The following FUT8 variants were observed in gnomAD, a reference collection of about 807,000 sequenced individuals.
The protein encoded by FUT8 is alpha-(1,6)-fucosyltransferase.
FUT8 carries 29 observed loss-of-function variants against 71.3 expected under a neutral mutation model. The ratio of observed to expected loss-of-function variants is 0.41; its 90% confidence interval spans 0.30 to 0.55. The LOEUF (loss-of-function observed/expected upper bound fraction) is 0.55. Among genes scored for constraint, FUT8 ranks in the 20% least tolerant of loss-of-function variants. The pLI, the probability that FUT8 is intolerant of heterozygous loss-of-function variation, is 0.34. For missense variants in FUT8, 544 were observed against 702.1 expected (o/e 0.77, Z 2.55); for synonymous variants, 254 against 239.3 (o/e 1.06, Z -0.57).
intron 10 of FUT8, among the ~76,000 whole-genome samples, chr14:65,735,474 G>A (rs1030141965): frequency 2.6e-5 from 4 of 152,052 alleles, no homozygotes; most frequent in Non-Finnish European, 4.4e-5. Flanking sequence ...AAGGAATAAG[G>A]CTCATACTTA....
At chr14:65,463,327 C>T (rs759597168) in intron 2 of FUT8, among the ~76,000 whole-genome samples, 7 of 152,098 alleles carry the variant, frequency 4.6e-5, no homozygotes, top group East Asian at 1.9e-4. Context: ...AGTGCACTGG[C>T]GCAGTCACGG....
intron 7 of FUT8, among the ~76,000 whole-genome samples, chr14:65,698,649 A>G (rs968855380): frequency 6.6e-6 from 1 of 152,222 alleles, no homozygotes. Context: ...GCATTTGCAA[A>G]TCTCAAAAAT....
chr14:65,584,238 G>C (rs886987391), intron 3 of FUT8, among the ~76,000 whole-genome samples: 1 of 150,012 alleles, frequency 6.7e-6, no homozygotes, highest in Admixed American at 6.7e-5. Context: ...GAGTGCAGTG[G>C]TGCGATCTTG....
chr14:65,693,183 C>A (rs1005329162), intron 7 of FUT8, among the ~76,000 whole-genome samples: 1 of 152,086 alleles, frequency 6.6e-6, no homozygotes, highest in Non-Finnish European at 1.5e-5. Context: ...TGTAGCGAGC[C>A]GAGATCACGC....
intron 7 of FUT8, among the ~76,000 whole-genome samples, chr14:65,677,151 T>TGTGCGTGCGCGCGCGC: frequency 9.0e-6 from 1 of 110,702 alleles, no homozygotes; most frequent in Non-Finnish European, 1.8e-5. Context: ...TGTGTGTGTG[T>TGTGCGTGCGCGCGCGC]GCGCGCGCGC....
rs117539343 is a variant in FUT8, at chr14:65,581,998, G to A, written c.203+20232G>A. Among the ~76,000 whole-genome samples the A allele has an allele frequency of 3.2e-3, 493 of 152,228 alleles. 3 individuals are homozygous for A. The East Asian group carries it at 0.035, about 11-fold the overall frequency. ...TACTTTGTCTGTTACATCTGGATGAGACCATTAGAATCTTGTTGCTATAAC... is the reference window on the plus strand; with the variant it reads ...TACTTTGTCTGTTACATCTGGATGAAACCATTAGAATCTTGTTGCTATAAC... On this transcript the variant is annotated intron_variant, in intron 3 of 10. Coordinates refer to ENST00000673929, the MANE Select transcript of FUT8 (RefSeq NM_001371533.1).
At chr14:65,610,826 T>C (rs1261208974) in intron 3 of FUT8, among the ~76,000 whole-genome samples, 1 of 151,972 alleles carries the variant, frequency 6.6e-6, no homozygotes, top group African/African-American at 2.4e-5. Flanking sequence ...GATTTATTTT[T>C]TAATGCTAAG....
intron 2 of FUT8, among the ~76,000 whole-genome samples, chr14:65,560,730 T>C (rs1769421620): frequency 6.6e-6 from 1 of 152,204 alleles, no homozygotes. Context: ...CTGATCCATT[T>C]GAACCTTTGC....
intron 7 of FUT8, among the ~76,000 whole-genome samples, chr14:65,677,419 A>G (rs1355774528): frequency 6.6e-6 from 1 of 152,094 alleles, no homozygotes; most frequent in Non-Finnish European, 1.5e-5. Flanking sequence ...CTTTTGATTC[A>G]ATTTAAGTTT....
At chr14:65,408,271 C>T (rs1465131255), upstream of FUT8, among the ~76,000 whole-genome samples, 1 of 152,096 alleles carries the variant, frequency 6.6e-6, no homozygotes, top group Non-Finnish European at 1.5e-5. Flanking sequence ...AGAGTAAACA[C>T]TGTAAGGACT....
intron 3 of FUT8, among the ~76,000 whole-genome samples, chr14:65,589,439 A>ATC (rs1393546425): frequency 1.1e-5 from 1 of 92,620 alleles, no homozygotes; most frequent in African/African-American, 4.0e-5. Context: ...CTTGCCTTAA[A>ATC]TCTTTTTTTT....
At chr14:65,424,539 CTTTTT>C (rs796843891) in intron 1 of FUT8, among the ~76,000 whole-genome samples, 6 of 125,444 alleles carry the variant, frequency 4.8e-5, no homozygotes, top group African/African-American at 1.2e-4. Flanking sequence ...CTTTTCTTTT[CTTTTT>C]TTTTTTTTTT....
At chr14:65,557,378 G>C (rs1176218247) in intron 2 of FUT8, among the ~76,000 whole-genome samples, 1 of 151,078 alleles carries the variant, frequency 6.6e-6, no homozygotes, top group Non-Finnish European at 1.5e-5. Context: ...TGTCGCCCAG[G>C]CTGGAGTGTG....
intron 2 of FUT8, among the ~76,000 whole-genome samples, chr14:65,526,059 C>A (rs551245938): frequency 6.6e-6 from 1 of 152,248 alleles, no homozygotes; most frequent in South Asian, 2.1e-4. Flanking sequence ...GTGGGGAGTT[C>A]TGTAGATGTC....
At chr14:65,547,200 T>G (rs536604315) in intron 2 of FUT8, among the ~76,000 whole-genome samples, 6 of 151,758 alleles carry the variant, frequency 4.0e-5, no homozygotes, top group African/African-American at 1.2e-4. Flanking sequence ...AACCCATTTT[T>G]TGTTTTCATT....
At chr14:65,725,640 T>G (rs1252737672) in intron 9 of FUT8, among the ~76,000 whole-genome samples, 2 of 152,200 alleles carry the variant, frequency 1.3e-5, no homozygotes, top group Non-Finnish European at 2.9e-5. Context: ...TAGCACTTGC[T>G]TACTTCTGTC....
chr14:65,632,952 G>A (rs1245257422), intron 6 of FUT8, among the ~76,000 whole-genome samples: 2 of 150,292 alleles, frequency 1.3e-5, no homozygotes, highest in African/African-American at 2.5e-5. Flanking sequence ...CAATTATCCC[G>A]GCACCATTTG....
chr14:65,616,227 T>G lies in FUT8; in HGVS notation c.336T>G (p.His112Gln). 3 of 1,606,592 alleles carry G rather than the reference T, an allele frequency of 1.9e-6. No homozygotes were observed. The highest frequency in any genetic ancestry group is 2.5e-6 in the Non-Finnish European group (3 of 1,176,896). Residue 112 changes from histidine to glutamine, a missense_variant, in exon 5 of 11, where the codon CAT (histidine) becomes CAG (glutamine). Coordinates refer to ENST00000673929, the MANE Select transcript of FUT8 (RefSeq NM_001371533.1). Reference protein sequence around the residue: ...KQTRNGLGKDHEILRRRIENG... With the variant: ...KQTRNGLGKDQEILRRRIENG... ...TGACTACAGGTCTGGGGAAGGATCA[T>G]GAAATCCTGAGGAGGAGGATTGAAA...
chr14:65,702,072 G>A (rs1594915649), intron 7 of FUT8, among the ~76,000 whole-genome samples: 2 of 152,138 alleles, frequency 1.3e-5, no homozygotes, highest in African/African-American at 2.4e-5. Flanking sequence ...GAGGCCGGGC[G>A]TGGTGGCTCA....
Sources: allele counts gnomAD v4.1 joint callset (sites outside exome capture counted in the v4.1 genomes callset), GRCh38; gene constraint gnomAD v4.1.1; transcripts MANE v1.5; gene names NCBI Gene and HGNC (gene_info 2026-07-23, HGNC 2026-07-21).